Variants in ANKRD11 observed in about 807,000 individuals in gnomAD.
ANKRD11 encodes the protein ankyrin repeat domain-containing protein 11.
ANKRD11 carries 17 observed loss-of-function variants against 195.7 expected under a neutral mutation model. The observed-to-expected ratio is 0.09, with a 90% CI of 0.06 to 0.13. The LOEUF (loss-of-function observed/expected upper bound fraction) is 0.13. Ranked by LOEUF, ANKRD11 falls within the 10% of genes least tolerant of loss-of-function variation. The pLI, the probability that ANKRD11 is intolerant of heterozygous loss-of-function variation, is 1.00. For synonymous variants in ANKRD11, 1,953 were observed against 1,528.1 expected (o/e 1.28, Z -6.49); for missense variants, 3,735 against 3,566.1 (o/e 1.05, Z -1.21).
chr16:89,354,750 C>T (rs940923842), intron 2 of ANKRD11, among the ~76,000 whole-genome samples: 2 of 152,108 alleles, frequency 1.3e-5, no homozygotes, highest in Non-Finnish European at 2.9e-5. Flanking sequence ...GGCATGGTGG[C>T]GAGCACCTGT....
In ANKRD11 at chr16:89,274,879, C is replaced by T; in HGVS notation, c.7648G>A (p.Val2550Met). 6.2e-7 allele frequency: 1 copy of T among 1,613,548 alleles called. No homozygotes were observed. The highest frequency in any genetic ancestry group is 8.5e-7 in the Non-Finnish European group (1 of 1,179,980). The change falls in exon 11 of 13, where the codon GTG becomes ATG. Residue 2550 changes from valine to methionine, a missense_variant. Coordinates refer to ENST00000301030, the MANE Select transcript of ANKRD11 (RefSeq NM_013275.6). ...AGCATCGTGCAGGCGCTGAATGGCA[C>T]TGCCTGGTTGGCGATGGTCCTGGCC... ...RAARTIANQA[V>M]PFSACTMLLD...
intron 2 of ANKRD11, chr16:89,392,492 C>T (rs1041199302): frequency 6.6e-6 from 1 of 152,052 alleles, no homozygotes; most frequent in Non-Finnish European, 1.5e-5. Flanking sequence ...GAAAATGTCT[C>T]AATGGGTCTG....
At chr16:89,273,526 G>A (rs185587905) in intron 11 of ANKRD11, among the ~76,000 whole-genome samples, 5 of 152,038 alleles carry the variant, frequency 3.3e-5, no homozygotes, top group South Asian at 2.1e-4. Flanking sequence ...GTGACACCCC[G>A]TCTCCACTAA....
chr16:89,425,692 TCC>T (rs2042689197), intron 1 of ANKRD11, among the ~76,000 whole-genome samples: 1 of 150,116 alleles, frequency 6.7e-6, no homozygotes, highest in South Asian at 2.2e-4. Context: ...GTTATTTGTT[TCC>T]TGTTTCTGGT....
At chr16:89,343,611 C>T (rs926746025) in intron 2 of ANKRD11, 2 of 152,242 alleles carry the variant, frequency 1.3e-5, no homozygotes, top group African/African-American at 4.8e-5. Flanking sequence ...TTCAGAACCT[C>T]ACCCCAGTCA....
At chr16:89,294,514 C>A (rs1275177795) in intron 4 of ANKRD11, among the ~76,000 whole-genome samples, 1 of 152,134 alleles carries the variant, frequency 6.6e-6, no homozygotes, top group Non-Finnish European at 1.5e-5. Context: ...ACCCAAGCTC[C>A]GGAGCCCAGC....
intron 4 of ANKRD11, among the ~76,000 whole-genome samples, chr16:89,303,166 T>C (rs924339481): frequency 2.0e-5 from 3 of 152,166 alleles, no homozygotes; most frequent in Non-Finnish European, 4.4e-5. Context: ...AGCAGATGCT[T>C]GTCTCATTAA....
At chr16:89,433,339 G>A (rs1399089177) in intron 1 of ANKRD11, among the ~76,000 whole-genome samples, 1 of 152,182 alleles carries the variant, frequency 6.6e-6, no homozygotes, top group Non-Finnish European at 1.5e-5. Flanking sequence ...CCATTTCTAG[G>A]AAGAAAGTGT....
chr16:89,476,727 C>T (rs566485363), intron 1 of ANKRD11, among the ~76,000 whole-genome samples: 2 of 152,330 alleles, frequency 1.3e-5, no homozygotes, highest in Non-Finnish European at 2.9e-5. Context: ...TACTACACTT[C>T]CAGCAAAGAG....
At chr16:89,347,070 G>T (rs2038975419) in intron 2 of ANKRD11, among the ~76,000 whole-genome samples, 1 of 152,152 alleles carries the variant, frequency 6.6e-6, no homozygotes. Context: ...GCCAGCTAAA[G>T]GGGGTGACTG....
chr16:89,414,381 C>T (rs1597333696), intron 2 of ANKRD11, among the ~76,000 whole-genome samples: 1 of 152,206 alleles, frequency 6.6e-6, no homozygotes, highest in African/African-American at 2.4e-5. Flanking sequence ...TCACTCACGG[C>T]CACACTCACT....
At chr16:89,410,099 A>C (rs906694537) in intron 2 of ANKRD11, among the ~76,000 whole-genome samples, 2 of 152,132 alleles carry the variant, frequency 1.3e-5, no homozygotes, top group Non-Finnish European at 2.9e-5. Flanking sequence ...TCGGCCTCCC[A>C]AAGTGCTGGG....
chr16:89,440,903 T>C (rs1240166018), intron 1 of ANKRD11, among the ~76,000 whole-genome samples: 3 of 152,036 alleles, frequency 2.0e-5, no homozygotes, highest in African/African-American at 7.2e-5. Flanking sequence ...TGTGTCACAG[T>C]CAAAACGGAA....
chr16:89,321,398 G>A (rs994364550), intron 2 of ANKRD11, among the ~76,000 whole-genome samples: 4 of 151,184 alleles, frequency 2.6e-5, no homozygotes, highest in Non-Finnish European at 4.4e-5. Context: ...GCTGCAGGGC[G>A]GGACTGTGGG....
intron 1 of ANKRD11, among the ~76,000 whole-genome samples, chr16:89,424,057 G>C (rs2042620186): frequency 6.6e-6 from 1 of 152,024 alleles, no homozygotes; most frequent in African/African-American, 2.4e-5. Context: ...GTGAGGAACT[G>C]GGGGAGGGAC....
Position 89,305,271 on chromosome 16 carries a change from C to T in ANKRD11, c.161G>A (p.Arg54Gln). The change falls in exon 4 of 13, where the codon CGA (arginine) becomes CAA (glutamine). Residue 54 changes from arginine (R) to glutamine (Q), a missense_variant. Physicochemically the swap from Arg to Gln is conservative, Grantham distance 43. Transcript: ENST00000301030. The stretch of plus-strand genomic sequence containing the variant: ...GAAGGGCAGCTTCCGCTTGCTGGCT[C>T]GCTCCCTCACCTCCTTCCCGCCATC... ...RGDGGKEVRE[R>Q]ASKRKLPFTA... 6.2e-7 allele frequency: 1 copy of T among 1,613,910 alleles called. No homozygotes were observed. The highest frequency in any genetic ancestry group is 8.5e-7 in the Non-Finnish European group (1 of 1,179,890).
chr16:89,489,712 G>A (rs1326219499), intron 1 of ANKRD11, among the ~76,000 whole-genome samples: 6 of 149,800 alleles, frequency 4.0e-5, no homozygotes, highest in African/African-American at 1.5e-4. Context: ...GGCAGCCTCA[G>A]GTCCCCAAGA....
intron 1 of ANKRD11, among the ~76,000 whole-genome samples, chr16:89,463,872 C>T (rs2056788662): frequency 6.6e-6 from 1 of 152,082 alleles, no homozygotes; most frequent in African/African-American, 2.4e-5. Context: ...TTCAAAACAC[C>T]TATGGTGGAA....
chr16:89,286,376 G>A (rs2034646715), intron 7 of ANKRD11, 190 bp from the exon 8 acceptor site: 1 of 822,042 alleles, frequency 1.2e-6, no homozygotes, highest in African/African-American at 1.7e-5. Flanking sequence ...GGGCGAGGCT[G>A]TGGCTCCTCT....
Sources: allele counts gnomAD v4.1 joint callset (sites outside exome capture counted in the v4.1 genomes callset), GRCh38; gene constraint gnomAD v4.1.1; transcripts MANE v1.5; gene names NCBI Gene and HGNC (gene_info 2026-07-23, HGNC 2026-07-21).